ADAM12: variants seen among roughly 807,000 people sequenced by gnomAD.
The protein encoded by ADAM12 is disintegrin and metalloproteinase domain-containing protein 12.
ADAM12 carries 70 observed loss-of-function variants against 106.4 expected under a neutral mutation model. The observed-to-expected ratio is 0.66, with a 90% CI of 0.54 to 0.80. ADAM12 has a LOEUF of 0.80. Ranked by LOEUF, ADAM12 falls within the 30% of genes least tolerant of loss-of-function variation. The pLI is 0.00. For synonymous variants in ADAM12, 420 were observed against 433.5 expected (o/e 0.97, Z 0.39); for missense variants, 1,010 against 1,171.9 (o/e 0.86, Z 2.02).
At chr10:126,158,550 A>T (rs1159802194) in intron 3 of ADAM12, among the ~76,000 whole-genome samples, 1 of 103,408 alleles carries the variant, frequency 9.7e-6, no homozygotes, top group African/African-American at 3.5e-5. Flanking sequence ...GGGAGGATGC[A>T]CAGAGCATGG....
In ADAM12 at chr10:126,357,893, T is replaced by C. The variant is rs948516765; in HGVS notation, c.89-27384A>G. The stretch of plus-strand genomic sequence containing the variant: ...GGGACACAGCCAAGCTATATTAGCT[T>C]CACTGCTGCTGAATTCTACAAACAT... On this transcript the variant is annotated intron_variant, in intron 1 of 22. Coordinates refer to ENST00000448723, the MANE Select transcript of ADAM12 (RefSeq NM_001288973.2). Among the ~76,000 whole-genome samples, 3 of 152,196 alleles carry C rather than the reference T, an allele frequency of 2.0e-5. No individual in the cohort carries two copies. In the South Asian group the frequency reaches 6.2e-4, roughly 31 times the overall value.
intron 20 of ADAM12, 86 bp downstream of exon 20, chr10:126,038,155 C>T: frequency 8.0e-7 from 1 of 1,247,470 alleles, no homozygotes; most frequent in South Asian, 1.3e-5. Context: ...GGCAGCGCCT[C>T]TAGGATCCCA....
chr10:126,327,961 C>A (rs1057186343), intron 2 of ADAM12, among the ~76,000 whole-genome samples: 2 of 152,168 alleles, frequency 1.3e-5, no homozygotes, highest in Non-Finnish European at 2.9e-5. Flanking sequence ...GACACACCTG[C>A]CTCCTCCCTG....
intron 2 of ADAM12, among the ~76,000 whole-genome samples, chr10:126,304,061 A>C (rs1420208329): frequency 6.6e-6 from 1 of 152,168 alleles, no homozygotes; most frequent in East Asian, 1.9e-4. Context: ...GAATGGTGTT[A>C]CTTATGCATC....
rs112303119 is a variant in ADAM12 at position 126,071,811 on chromosome 10, T to G, written c.1146-157A>C. On this transcript the variant is annotated intron_variant, in intron 11 of 22. Transcript: ENST00000448723. ...CATATCAAAAAACTCAGATATGCAG[T>G]GTCAAGTGAGGCACATTCAGTTCCA... Among the ~76,000 whole-genome samples the G allele has an allele frequency of 4.1e-3, 626 of 152,340 alleles. 8 individuals carry two copies. Among genetic ancestry groups the G allele is most frequent in the African/African-American group, 0.014 (602 of 41,580 alleles).
intron 3 of ADAM12, among the ~76,000 whole-genome samples, chr10:126,230,181 C>T (rs1357092076): frequency 2.6e-5 from 4 of 152,174 alleles, no homozygotes; most frequent in Non-Finnish European, 2.9e-5. Flanking sequence ...TGGCATTGGG[C>T]TCTTATGGCC....
At chr10:126,126,791 G>A (rs370861726) in intron 5 of ADAM12, among the ~76,000 whole-genome samples, 3 of 152,122 alleles carry the variant, frequency 2.0e-5, no homozygotes, top group Non-Finnish European at 4.4e-5. Context: ...AGGGGAGAGC[G>A]TGCAGGGCCT....
chr10:126,237,452 G>T (rs538959423), intron 3 of ADAM12, among the ~76,000 whole-genome samples: 1 of 152,060 alleles, frequency 6.6e-6, no homozygotes, highest in Non-Finnish European at 1.5e-5. Flanking sequence ...GGCAGCACCC[G>T]CTCCCCCTTC....
intron 1 of ADAM12, among the ~76,000 whole-genome samples, chr10:126,339,847 C>CGTTTT (rs1207791907): frequency 2.6e-5 from 2 of 75,706 alleles, no homozygotes; most frequent in Non-Finnish European, 4.7e-5. Context: ...CATTCTAGGG[C>CGTTTT]TTTTTTTTTT....
intron 3 of ADAM12, among the ~76,000 whole-genome samples, chr10:126,278,120 G>C (rs7085597): frequency 0.016 from 2,406 of 152,258 alleles, 78 homozygotes; most frequent in African/African-American, 0.054. Flanking sequence ...TTTTGGAAGA[G>C]AGAAACTGCT....
At chr10:126,175,470 T>C (rs200483514) in intron 3 of ADAM12, among the ~76,000 whole-genome samples, 5,327 of 131,104 alleles carry the variant, frequency 0.041, 119 homozygotes, top group Non-Finnish European at 0.063. Context: ...TAAACATATG[T>C]TTCTAAAACA....
At chr10:126,052,904 G>A (rs1326735959) in intron 14 of ADAM12, among the ~76,000 whole-genome samples, 3 of 152,184 alleles carry the variant, frequency 2.0e-5, no homozygotes, top group Admixed American at 6.5e-5. Flanking sequence ...TGAGCCTTCT[G>A]GGTCAGAGTG....
At position 126,113,658 on chromosome 10, in the gene ADAM12, C is replaced by CAA. The variant is rs1158414658; in HGVS notation, c.604-3820_604-3819dup. Among the ~76,000 whole-genome samples, 12 of 4,876 alleles carry CAA rather than the reference C, an allele frequency of 2.5e-3. 4 individuals carry two copies. Among genetic ancestry groups the CAA allele is most frequent in the Admixed American group, 6.1e-3 (2 of 328 alleles). 3.2% of individuals were successfully genotyped at this position (4,876 alleles called of 152,430 possible). ...TGGGCAACACAGTGAGACTCCGTCTCAAAAAAAAAAAAAAAAAAAAAAAAA... is the reference window on the plus strand; with the variant it reads ...TGGGCAACACAGTGAGACTCCGTCTCAAAAAAAAAAAAAAAAAAAAAAAAAAA... On this transcript the variant is annotated intron_variant, in intron 6 of 22. Transcript: ENST00000448723.
At chr10:126,282,608 A>C (rs1039615812) in intron 2 of ADAM12, among the ~76,000 whole-genome samples, 1 of 152,060 alleles carries the variant, frequency 6.6e-6, no homozygotes, top group Non-Finnish European at 1.5e-5. Context: ...ACTTAATCTT[A>C]TATTTGTTAG....
At position 126,387,888 on chromosome 10, in the gene ADAM12, C is replaced by CG. The variant is rs1564771493; in HGVS notation, c.88+169_88+170insC. Among the ~76,000 whole-genome samples the CG allele has an allele frequency of 1.2e-3, 81 of 67,994 alleles. 2 individuals carry two copies. The highest frequency in any genetic ancestry group is 4.2e-3 in the African/African-American group (70 of 16,560). 44.6% of individuals were successfully genotyped at this position (67,994 alleles called of 152,430 possible). A position where few individuals can be genotyped will look rare whatever the true frequency, so the allele number is the denominator to read the frequency against. On this transcript the variant is annotated intron_variant, in intron 1 of 22. Transcript: ENST00000448723. ...TCGCCCTTCCCCAAGGAATTGGCAC[C>CG]TGGGGGGGGGGGGTCGGTCTCGCCG...
At chr10:126,380,415 G>A (rs1185981424) in intron 1 of ADAM12, among the ~76,000 whole-genome samples, 1 of 152,210 alleles carries the variant, frequency 6.6e-6, no homozygotes, top group Non-Finnish European at 1.5e-5. Context: ...TTAAGATCCA[G>A]TCTCCAGCGT....
intron 3 of ADAM12, among the ~76,000 whole-genome samples, chr10:126,168,131 G>A (rs968237109): frequency 6.6e-6 from 1 of 152,160 alleles, no homozygotes; most frequent in African/African-American, 2.4e-5. Flanking sequence ...GTGGAGAGAG[G>A]TGCCTTTTCA....
intron 3 of ADAM12, among the ~76,000 whole-genome samples, chr10:126,227,914 AC>A (rs935248673): frequency 4.0e-5 from 6 of 151,732 alleles, no homozygotes. Context: ...AGCTGGCAGC[AC>A]CCCCCAGAGC....
In ADAM12 at chr10:126,043,272, G is replaced by A. The variant is rs1440384991; in HGVS notation, c.1996-124C>T. ...ACTGACACAGCCAGACTCAGCACAC[G>A]CCATGGTGCGAATAAGCCCAAAGCC... On this transcript the variant is annotated intron_variant, in intron 17 of 22. Coordinates refer to ENST00000448723, the MANE Select transcript of ADAM12 (RefSeq NM_001288973.2). This position sits in a 1 kb window ranked among gnomAD's most constrained non-coding sequence, Gnocchi z 4.1. 16 of 895,738 alleles carry A rather than the reference G, an allele frequency of 1.8e-5. No individual in the cohort carries two copies. Among genetic ancestry groups the A allele is most frequent in the South Asian group, 5.0e-5 (3 of 59,902 alleles). 55.5% of individuals were successfully genotyped at this position (895,738 alleles called of 1,614,324 possible).
Sources: allele counts gnomAD v4.1 joint callset (sites outside exome capture counted in the v4.1 genomes callset), GRCh38; gene constraint gnomAD v4.1.1; non-coding constraint Gnocchi (gnomAD v3.1); transcripts MANE v1.5; gene names NCBI Gene and HGNC (gene_info 2026-07-23, HGNC 2026-07-21).